ADAMTS10: variants seen among roughly 807,000 people sequenced by gnomAD.
ADAMTS10 encodes ADAM metallopeptidase with thrombospondin type 1 motif 10.
In ADAMTS10, 48 loss-of-function variants were observed where a neutral mutation model predicts 135.9. The observed-to-expected ratio is 0.35, with a 90% CI of 0.28 to 0.45. The LOEUF (loss-of-function observed/expected upper bound fraction) is 0.45, where lower values mean the gene tolerates loss of function less well. ADAMTS10 is among the 20% of genes least tolerant of loss of function. The pLI is 1.00. For missense variants in ADAMTS10, 1,131 were observed against 1,565.2 expected (o/e 0.72, Z 4.68); for synonymous variants, 621 against 647.5 (o/e 0.96, Z 0.62).
At position 8,591,728 on chromosome 19, in the gene ADAMTS10, C is replaced by T. The variant is rs146985214; in HGVS notation, c.1797+72G>A. ...GTGTTGGGATTACAGGCGTGAGCCA[C>T]GGTGCCCGGCCTCTGATAGCTGTTT... On this transcript the variant is annotated intron_variant, in intron 15 of 25. Coordinates refer to ENST00000597188, the MANE Select transcript of ADAMTS10 (RefSeq NM_030957.4). 790 of 1,577,414 alleles carry T rather than the reference C, an allele frequency of 5.0e-4. 3 individuals are homozygous for T. The African/African-American group carries it at 8.3e-3, about 17-fold the overall frequency.
chr19:8,603,616 C>G, intron 5 of ADAMTS10, 112 bp downstream of exon 5: 1 of 1,483,622 alleles, frequency 6.7e-7, no homozygotes, highest in Non-Finnish European at 9.3e-7. Flanking sequence ...CTCAGCAGCT[C>G]CATTCTTCCC....
chr19:8,597,421 G>T, intron 6 of ADAMTS10, 104 bp from the exon 7 acceptor site: 1 of 1,018,494 alleles, frequency 9.8e-7, no homozygotes, highest in Non-Finnish European at 1.5e-6. Context: ...GGCACCTACT[G>T]TGTGTCGGGT....
At position 8,601,174 on chromosome 19, in the gene ADAMTS10, CT is replaced by C. The variant is rs781867264; in HGVS notation, c.593-30del. On this transcript the variant is annotated intron_variant, in intron 5 of 25. Coordinates refer to ENST00000597188, the MANE Select transcript of ADAMTS10 (RefSeq NM_030957.4). This position sits in a 1 kb window ranked among gnomAD's most constrained non-coding sequence, Gnocchi z 4.6. Reference sequence around the variant, plus strand: ...GGGAACCCAGTAGAGCAATTAAGCCCTGCCCTGCTGGTGGGACGCAGAGCTG... The same window carrying C: ...GGGAACCCAGTAGAGCAATTAAGCCCGCCCTGCTGGTGGGACGCAGAGCTG... The C allele has an allele frequency of 1.9e-6, 3 of 1,609,042 alleles. No homozygotes were observed. In the Admixed American group the frequency reaches 5.0e-5, roughly 27 times the overall value.
rs1555736797 is a variant in ADAMTS10 at position 8,585,525 on chromosome 19, G to A, written c.2796C>T (p.Arg932=). 1 of 1,557,610 alleles carries A rather than the reference G, an allele frequency of 6.4e-7. No homozygotes were observed. Residue 932 remains arginine (R), a synonymous_variant, in exon 23 of 26, where the codon CGC becomes CGT. Coordinates refer to ENST00000597188, the MANE Select transcript of ADAMTS10 (RefSeq NM_030957.4). ...ALDDSACPQP[R]PPVLEACHGP... ...CGTGGCAGGCCTCCAGTACAGGTGG[G>A]CGCGGCTGCGGGCATGCGCTGTCGT...
chr19:8,589,645 C>T, intron 16 of ADAMTS10, 60 bp from the exon 17 acceptor site: 1 of 1,607,024 alleles, frequency 6.2e-7, no homozygotes, highest in Non-Finnish European at 8.5e-7. Flanking sequence ...TTTGCTTGCT[C>T]CCTGGGGGAG....
chr19:8,600,968 C>A lies in ADAMTS10; in HGVS notation c.770G>T (p.Arg257Leu). The change falls in exon 6 of 26, where the codon CGC becomes CTC. Residue 257 changes from arginine to leucine, a missense_variant. Around this residue, in one of 3 missense-constraint regions of ADAMTS10, gnomAD observed 80 missense variants for 164.4 expected, o/e 0.49. Transcript: ENST00000597188. ...ADKMMVAYHG[R>L]RDVEQYVLAI... ...CAGGACATACTGCTCCACATCCCGG[C>A]GCCCGTGATAGGCCACCATCATCTT... is the stretch of plus-strand genomic sequence containing the variant. The A allele has an allele frequency of 6.2e-7, 1 of 1,614,148 alleles. No individual in the cohort carries two copies.
At chr19:8,586,282 C>T in intron 21 of ADAMTS10, 31 bp from the exon 22 acceptor site, 2 of 1,613,226 alleles carry the variant, frequency 1.2e-6, no homozygotes, top group Non-Finnish European at 1.7e-6. Flanking sequence ...CCTGCTCAGC[C>T]CCTCCCGGCC....
chr19:8,586,522 C>G, intron 20 of ADAMTS10, 36 bp downstream of exon 20: 1 of 1,613,136 alleles, frequency 6.2e-7, no homozygotes, highest in East Asian at 2.2e-5. Context: ...GTCTCTAATT[C>G]CAAAGGCTGC....
In ADAMTS10 at chr19:8,586,045, C is replaced by A. The variant is rs1036110508; in HGVS notation, c.2660+77G>T. On this transcript the variant is annotated intron_variant, in intron 22 of 25. Transcript: ENST00000597188. ...CTCTGCACTAATCTGCTCCCCACCC[C>A]CCTGGAGCACTCGCTCTTGACTCCA... The A allele has an allele frequency of 1.1e-4, 178 of 1,607,564 alleles. 1 individual carries two copies. Among genetic ancestry groups the A allele is most frequent in the Middle Eastern group, 6.7e-4 (3 of 4,500 alleles).
At position 8,601,262 on chromosome 19, in the gene ADAMTS10, C is replaced by T. The variant is rs1483914830; in HGVS notation, c.593-117G>A. 2 of 1,166,778 alleles carry T rather than the reference C, an allele frequency of 1.7e-6. No homozygotes were observed. The highest frequency in any genetic ancestry group is 2.5e-6 in the Non-Finnish European group (2 of 812,010). 72.3% of individuals were successfully genotyped at this position (1,166,778 alleles called of 1,614,324 possible). A position where few individuals can be genotyped will look rare whatever the true frequency, so the allele number is the denominator to read the frequency against. ...CTCTCTACCCAACAGTCTGGACAGA[C>T]AATTTCTGGTCATTCTGCTGCCTTC... On this transcript the variant is annotated intron_variant, in intron 5 of 25. Coordinates refer to ENST00000597188, the MANE Select transcript of ADAMTS10 (RefSeq NM_030957.4). The surrounding 1 kb of genome is among the most constrained non-coding windows in gnomAD (Gnocchi z 4.6).
intron 23 of ADAMTS10, 49 bp from the exon 24 acceptor site, chr19:8,585,357 A>G (rs2042412766): frequency 6.5e-7 from 1 of 1,533,886 alleles, no homozygotes; most frequent in East Asian, 2.4e-5. Context: ...CCCAGTGCGA[A>G]GTGAGGAGGG....
In ADAMTS10 at chr19:8,580,817, G is replaced by T; in HGVS notation, c.*76C>A. ...TCCCTCCCAGTTCCCGCCCCCCCGG[G>T]GCCCCCTCTGGCCGGCCCGCTGCAG... is the stretch of plus-strand genomic sequence containing the variant. On this transcript the variant is annotated 3_prime_UTR_variant, in exon 26 of 26. Coordinates refer to ENST00000597188, the MANE Select transcript of ADAMTS10 (RefSeq NM_030957.4). The T allele has an allele frequency of 8.1e-7, 1 of 1,237,730 alleles. No individual in the cohort carries two copies. The highest frequency in any genetic ancestry group is 1.1e-6 in the Non-Finnish European group (1 of 876,396). 76.7% of individuals were successfully genotyped at this position (1,237,730 alleles called of 1,614,324 possible). A position where few individuals can be genotyped will look rare whatever the true frequency, so the allele number is the denominator to read the frequency against.
intron 18 of ADAMTS10, 114 bp downstream of exon 18, chr19:8,589,128 C>G: frequency 6.4e-7 from 1 of 1,555,698 alleles, no homozygotes; most frequent in Non-Finnish European, 8.7e-7. Flanking sequence ...TGACACTCCA[C>G]GGGGCCCCTG....
chr19:8,587,526 G>A (rs2042454543), intron 18 of ADAMTS10, among the ~76,000 whole-genome samples: 1 of 149,240 alleles, frequency 6.7e-6, no homozygotes, highest in Non-Finnish European at 1.5e-5. Context: ...GAGTGCAGTG[G>A]TGCGATCATA....
At chr19:8,591,566 C>G (rs957296680) in intron 15 of ADAMTS10, among the ~76,000 whole-genome samples, 2 of 151,784 alleles carry the variant, frequency 1.3e-5, no homozygotes, top group Admixed American at 1.3e-4. Flanking sequence ...CTCAGCCTCC[C>G]GAGTAGCTGG....
At chr19:8,587,555 C>T (rs1200205735) in intron 18 of ADAMTS10, among the ~76,000 whole-genome samples, 3 of 151,132 alleles carry the variant, frequency 2.0e-5, no homozygotes, top group East Asian at 2.0e-4. Flanking sequence ...CAGCCTTGAC[C>T]TCCTGGGCTC....
chr19:8,591,979 C>T lies in ADAMTS10; in HGVS notation c.1712G>A (p.Ser571Asn), dbSNP rs1191762524. 1 of 1,613,334 alleles carries T rather than the reference C, an allele frequency of 6.2e-7. No individual in the cohort carries two copies. The highest frequency in any genetic ancestry group is 1.3e-5 in the African/African-American group (1 of 74,946). The change falls in exon 14 of 26, where the codon AGC becomes AAC. Residue 571 changes from serine to asparagine, a missense_variant. This residue lies in a region of ADAMTS10 where 745 missense variants were observed against 1,056.3 expected (regional missense o/e 0.71). Coordinates refer to ENST00000597188, the MANE Select transcript of ADAMTS10 (RefSeq NM_030957.4). ...TGACCTGGGGCTGTCGCAGTGACGGCTAGAAGAGGACACGCCGCCGCCACA... is the reference window on the plus strand; with the variant it reads ...TGACCTGGGGCTGTCGCAGTGACGGTTAGAAGAGGACACGCCGCCGCCACA... Reference protein sequence around the residue: ...RTCGGGVSSSSRHCDSPRPTI... With the variant: ...RTCGGGVSSSNRHCDSPRPTI...
intron 25 of ADAMTS10, among the ~76,000 whole-genome samples, chr19:8,584,540 G>T (rs574551415): frequency 1.8e-4 from 28 of 152,206 alleles, no homozygotes; most frequent in Middle Eastern, 3.4e-3. Context: ...GCTCCCCACG[G>T]CAATCATCTA....
At position 8,601,729 on chromosome 19, in the gene ADAMTS10, C is replaced by T. The variant is rs988034580; in HGVS notation, c.593-584G>A. ...CTTTTTTTTGTCAGTGTCCTACTACCTGAGAATATTGTAGTCTACCATGAT... is the reference window on the plus strand; with the variant it reads ...CTTTTTTTTGTCAGTGTCCTACTACTTGAGAATATTGTAGTCTACCATGAT... On this transcript the variant is annotated intron_variant, in intron 5 of 25. Transcript: ENST00000597188. This position sits in a 1 kb window ranked among gnomAD's most constrained non-coding sequence, Gnocchi z 4.6. Among the ~76,000 whole-genome samples the T allele has an allele frequency of 2.0e-5, 3 of 152,056 alleles. No individual in the cohort carries two copies. The South Asian group carries it at 6.2e-4, about 32-fold the overall frequency.
Sources: gnomAD v4.1 joint callset for allele counts (sites outside exome capture counted in the v4.1 genomes callset) on GRCh38, gnomAD v4.1.1 for gene constraint, gnomAD v4.1.1 regional missense constraint, Gnocchi (gnomAD v3.1) non-coding constraint, MANE v1.5 for transcripts, NCBI Gene and HGNC (gene_info 2026-07-23, HGNC 2026-07-21) for gene names.